Variants in SLC19A3 observed in about 807,000 individuals in gnomAD.
SLC19A3 encodes the protein solute carrier family 19 member 3, also known as thiamine transporter 2.
A neutral mutation model predicts 40.2 loss-of-function variants in SLC19A3; 31 were observed. The observed-to-expected ratio is 0.77, with a 90% CI of 0.58 to 1.04. SLC19A3 has a LOEUF of 1.04. Among genes scored for constraint, SLC19A3 ranks in the 50% least tolerant of loss-of-function variants. The pLI is 0.00. For missense variants in SLC19A3, 592 were observed against 596.7 expected, an observed-to-expected ratio of 0.99 and a Z score of 0.08; for synonymous variants, 212 against 227.5, an observed-to-expected ratio of 0.93 and a Z score of 0.61.
intron 1 of SLC19A3, 175 bp from the exon 2 acceptor site, chr2:227,702,495 GC>G (rs1695742960): frequency 1.6e-6 from 1 of 614,764 alleles, no homozygotes; most frequent in South Asian, 1.9e-5. Context: ...CCGGGCTCAA[GC>G]CATTCTCCTG....
chr2:227,690,706 C>CA (rs34163746), intron 4 of SLC19A3, among the ~76,000 whole-genome samples: 25,997 of 38,978 alleles, frequency 0.67, 9,711 homozygotes, highest in East Asian at 0.83. Context: ...GACTCCATCT[C>CA]AAAAAAAAAA....
At chr2:227,711,412 T>C (rs1696131877) in intron 1 of SLC19A3, among the ~76,000 whole-genome samples, 1 of 136,536 alleles carries the variant, frequency 7.3e-6, no homozygotes. Flanking sequence ...AGAGCGAGAC[T>C]CTGTCTCAAA....
At position 227,687,364 on chromosome 2, in the gene SLC19A3, T is replaced by C. The variant is rs886055763; in HGVS notation, c.*33A>G. 1.3e-6 allele frequency: 2 copies of C among 1,576,584 alleles called. No homozygotes were observed. The highest frequency in any genetic ancestry group is 2.7e-5 in the African/African-American group (2 of 73,462). On this transcript the variant is annotated 3_prime_UTR_variant, in exon 6 of 6. Transcript: ENST00000644224. ...AATCTTTCCTTATTATTGCATAACT[T>C]TGAAAGCCACTGTTGCGTTTGTTGC... is the stretch of plus-strand genomic sequence containing the variant.
In SLC19A3 at chr2:227,698,774, A is replaced by G. The variant is rs746794574; in HGVS notation, c.941T>C (p.Ile314Thr). ...AATAGCTTCTACGGCCCCATTATAG[A>G]TGGAAGAATCTTGGGATGGCGCCTT... ...DYKAPSQDSS[I>T]YNGAVEAIAT... is the part of the protein sequence containing the mutation. Residue 314 changes from isoleucine (I) to threonine (T), a missense_variant, in exon 3 of 6, where the codon ATC becomes ACC. Coordinates refer to ENST00000644224, the MANE Select transcript of SLC19A3 (RefSeq NM_025243.4). 67 of 1,614,002 alleles carry G rather than the reference A, an allele frequency of 4.2e-5. 1 individual carries two copies. The East Asian group carries it at 1.4e-3, about 33-fold the overall frequency.
At chr2:227,690,823 T>G (rs1002285169) in intron 4 of SLC19A3, among the ~76,000 whole-genome samples, 1 of 151,838 alleles carries the variant, frequency 6.6e-6, no homozygotes, top group African/African-American at 2.4e-5. Context: ...CAGTAATAGT[T>G]GGAGACTTTA....
In SLC19A3 at chr2:227,715,951, C is replaced by CATA. The variant is rs1491156993; in HGVS notation, c.-3+1991_-3+1992insTAT. Among the ~76,000 whole-genome samples, 22 of 87,148 alleles carry CATA rather than the reference C, an allele frequency of 2.5e-4. 1 individual carries two copies. The East Asian group carries it at 8.3e-3, about 33-fold the overall frequency. 57.2% of individuals were successfully genotyped at this position (87,148 alleles called of 152,430 possible). A position where few individuals can be genotyped will look rare whatever the true frequency, so the allele number is the denominator to read the frequency against. The stretch of plus-strand genomic sequence containing the variant: ...GGGCAACAAGAGCGAGACTCCGTCT[C>CATA]AAAAAAAAAAAAAAAAAAAAAAAAT... On this transcript the variant is annotated intron_variant, in intron 1 of 5. Coordinates refer to ENST00000644224, the MANE Select transcript of SLC19A3 (RefSeq NM_025243.4).
chr2:227,701,978 T>A (rs2106332348), intron 2 of SLC19A3, 191 bp downstream of exon 2: 1 of 582,578 alleles, frequency 1.7e-6, no homozygotes, highest in Non-Finnish European at 3.0e-6. Flanking sequence ...TAATATGTTT[T>A]GGCTGCAATT....
At chr2:227,712,749 G>C (rs1696184001) in intron 1 of SLC19A3, among the ~76,000 whole-genome samples, 1 of 152,162 alleles carries the variant, frequency 6.6e-6, no homozygotes, top group South Asian at 2.1e-4. Flanking sequence ...AAAAAGGAGT[G>C]AACTACTGCA....
intron 4 of SLC19A3, among the ~76,000 whole-genome samples, chr2:227,689,635 C>T (rs1454269296): frequency 6.6e-6 from 1 of 152,122 alleles, no homozygotes; most frequent in African/African-American, 2.4e-5. Context: ...AAGAAAAGGA[C>T]GTTCATGCGC....
rs1457679110 is a variant in SLC19A3, at chr2:227,684,008, A to C, written c.*3389T>G. 1 of 152,216 alleles carries C rather than the reference A, an allele frequency of 6.6e-6. No homozygotes were observed. The highest frequency in any genetic ancestry group is 1.5e-5 in the Non-Finnish European group (1 of 68,088). The allele number at this position is 152,216 out of a possible 1,614,324, so 9.4% of individuals were successfully genotyped here. A position where few individuals can be genotyped will look rare whatever the true frequency, so the allele number is the denominator to read the frequency against. On this transcript the variant is annotated 3_prime_UTR_variant, in exon 6 of 6. Transcript: ENST00000644224. ...GAGACAGGGTTTTGCCATGTTGCCT[A>C]GGCTGGTTTTGAACTCCTGAACTCA...
chr2:227,713,128 G>A (rs2106343276), intron 1 of SLC19A3, among the ~76,000 whole-genome samples: 1 of 152,222 alleles, frequency 6.6e-6, no homozygotes, highest in South Asian at 2.1e-4. Flanking sequence ...TCCCAGGCTG[G>A]GTGCAGTGGC....
At chr2:227,715,468 C>T (rs12992914) in intron 1 of SLC19A3, among the ~76,000 whole-genome samples, 22,311 of 152,082 alleles carry the variant, frequency 0.15, 2,166 homozygotes, top group South Asian at 0.33. Flanking sequence ...TCAAGAAATC[C>T]GCCTGCCTTG....
Position 227,686,531 on chromosome 2 carries a change from C to G in SLC19A3, c.*866G>C, listed in dbSNP as rs573410224. ...GTCAGGTGTCACTGTGTTGCCCAGGCTGGTCTTGAACCTCTGGCCTCAAGC... is the reference window on the plus strand; with the variant it reads ...GTCAGGTGTCACTGTGTTGCCCAGGGTGGTCTTGAACCTCTGGCCTCAAGC... On this transcript the variant is annotated 3_prime_UTR_variant, in exon 6 of 6. Coordinates refer to ENST00000644224, the MANE Select transcript of SLC19A3 (RefSeq NM_025243.4). 4.6e-5 allele frequency: 7 copies of G among 152,880 alleles called. 1 individual carries two copies. Among genetic ancestry groups the G allele is most frequent in the African/African-American group, 1.7e-4 (7 of 41,560 alleles). The allele number at this position is 152,880 out of a possible 1,614,324, so 9.5% of individuals were successfully genotyped here.
rs1483708842 is a variant in SLC19A3 at position 227,698,786 on chromosome 2, T to C, written c.929A>G (p.Gln310Arg). The C allele has an allele frequency of 6.2e-7, 1 of 1,614,058 alleles. No homozygotes were observed. The highest frequency in any genetic ancestry group is 8.5e-7 in the Non-Finnish European group (1 of 1,180,058). ...GGCCCCATTATAGATGGAAGAATCT[T>C]GGGATGGCGCCTTGTAATCCCACAG... is the stretch of plus-strand genomic sequence containing the variant. ...QILWDYKAPS[Q>R]DSSIYNGAVE... Residue 310 changes from glutamine (Q) to arginine (R), a missense_variant, in exon 3 of 6, where the codon CAA becomes CGA. Gln to Arg is a conservative substitution (Grantham distance 43). Coordinates refer to ENST00000644224, the MANE Select transcript of SLC19A3 (RefSeq NM_025243.4).
At chr2:227,702,448 C>T in intron 1 of SLC19A3, 128 bp from the exon 2 acceptor site, 1 of 922,366 alleles carries the variant, frequency 1.1e-6, no homozygotes, top group South Asian at 1.5e-5. Context: ...GGCTGAAGTG[C>T]AGTGGCATGA....
intron 1 of SLC19A3, among the ~76,000 whole-genome samples, chr2:227,707,208 G>A (rs912962923): frequency 6.6e-6 from 1 of 152,220 alleles, no homozygotes; most frequent in African/African-American, 2.4e-5. Flanking sequence ...GACTTTGAAT[G>A]AGCCAACACC....
At chr2:227,717,818 G>A (rs1179022268) in intron 1 of SLC19A3, 125 bp downstream of exon 1, 1 of 736,324 alleles carries the variant, frequency 1.4e-6, no homozygotes, top group Non-Finnish European at 1.7e-6. Flanking sequence ...TCAGAGTGTA[G>A]CCCAGGCCCG....
intron 1 of SLC19A3, chr2:227,706,485 A>C (rs1695948262): frequency 1.6e-6 from 2 of 1,222,918 alleles, no homozygotes; most frequent in South Asian, 4.3e-5. Flanking sequence ...TAAAAATTTT[A>C]AAAGGCTGGG....
intron 1 of SLC19A3, among the ~76,000 whole-genome samples, chr2:227,704,634 TA>T (rs1207787267): frequency 6.6e-6 from 1 of 152,038 alleles, no homozygotes; most frequent in Non-Finnish European, 1.5e-5. Context: ...AGCCTGGCTA[TA>T]TCCTCAAAAT....
Sources: gnomAD v4.1 joint callset for allele counts (sites outside exome capture counted in the v4.1 genomes callset) on GRCh38, gnomAD v4.1.1 for gene constraint, MANE v1.5 for transcripts, NCBI Gene and HGNC (gene_info 2026-07-23, HGNC 2026-07-21) for gene names.